Variants in PLPPR1 observed in about 807,000 individuals in gnomAD.
The protein encoded by PLPPR1 is phospholipid phosphatase-related protein type 1.
In PLPPR1, 10 loss-of-function variants were observed where a neutral mutation model predicts 33.1. That is an observed-to-expected ratio of 0.30 (90% CI 0.19 to 0.51). The LOEUF (loss-of-function observed/expected upper bound fraction) is 0.51. Among genes scored for constraint, PLPPR1 ranks in the 20% least tolerant of loss-of-function variants. PLPPR1 has a pLI of 0.97. For missense variants in PLPPR1, 304 were observed against 408.1 expected (o/e 0.74, Z 2.20); for synonymous variants, 151 against 151.0 (o/e 1.00, Z 0.00).
chr9:101,127,816 A>G (rs1376798738), intron 1 of PLPPR1, among the ~76,000 whole-genome samples: 1 of 152,164 alleles, frequency 6.6e-6, no homozygotes, highest in East Asian at 1.9e-4. Flanking sequence ...TATGTCAGAC[A>G]TGCAAGCCTT....
chr9:101,279,531 C>T (rs896859830), intron 3 of PLPPR1, among the ~76,000 whole-genome samples: 1 of 152,194 alleles, frequency 6.6e-6, no homozygotes, highest in African/African-American at 2.4e-5. Context: ...ACACATTCTC[C>T]TCCTCAGCAC....
chr9:101,303,521 G>T (rs1380445646), intron 4 of PLPPR1, among the ~76,000 whole-genome samples: 2 of 151,874 alleles, frequency 1.3e-5, no homozygotes, highest in Non-Finnish European at 2.9e-5. Context: ...GGCTGGTCTT[G>T]AACTCCTGAG....
chr9:101,199,069 C>T (rs1826447651), intron 2 of PLPPR1, among the ~76,000 whole-genome samples: 1 of 152,180 alleles, frequency 6.6e-6, no homozygotes, highest in Admixed American at 6.5e-5. Context: ...GAGATTTTCA[C>T]TATATACAAT....
rs1827318725 is a variant in PLPPR1 at position 101,237,206 on chromosome 9, T to TA, written c.64-32673dup. Among the ~76,000 whole-genome samples, 5 of 151,824 alleles carry TA rather than the reference T, an allele frequency of 3.3e-5. No homozygotes were observed. The South Asian group carries it at 8.3e-4, about 25-fold the overall frequency. On this transcript the variant is annotated intron_variant, in intron 2 of 7. Transcript: ENST00000374874. Reference sequence around the variant, plus strand: ...TAGGATGTGGAGAAAAGAGAACACTTATACACTGTTGGTGGGAATGTAAAT... The same window carrying TA: ...TAGGATGTGGAGAAAAGAGAACACTTAATACACTGTTGGTGGGAATGTAAAT...
At position 101,296,305 on chromosome 9, in the gene PLPPR1, G is replaced by A. The variant is rs1203793293; in HGVS notation, c.385+10069G>A. ...ATTAAAAAGTCAGGAAACAACAGGT[G>A]CTGGAGAGGATGTGCAGAAATAGGA... is the stretch of plus-strand genomic sequence containing the variant. On this transcript the variant is annotated intron_variant, in intron 4 of 7. Transcript: ENST00000374874. Among the ~76,000 whole-genome samples, 13 of 152,010 alleles carry A rather than the reference G, an allele frequency of 8.6e-5. No individual in the cohort carries two copies. The East Asian group carries it at 2.3e-3, about 27-fold the overall frequency.
At chr9:101,269,650 C>T (rs1473206569) in intron 2 of PLPPR1, among the ~76,000 whole-genome samples, 1 of 152,090 alleles carries the variant, frequency 6.6e-6, no homozygotes, top group Non-Finnish European at 1.5e-5. Context: ...CTGGGATCTG[C>T]CTTTCAGATG....
At chr9:101,111,898 A>G (rs1831061851) in intron 1 of PLPPR1, among the ~76,000 whole-genome samples, 1 of 152,196 alleles carries the variant, frequency 6.6e-6, no homozygotes, top group Non-Finnish European at 1.5e-5. Context: ...AAGTCTTTGT[A>G]GTAGAACTGA....
At chr9:101,314,121 A>G (rs557440306) in intron 6 of PLPPR1, among the ~76,000 whole-genome samples, 202 of 152,306 alleles carry the variant, frequency 1.3e-3, no homozygotes, top group African/African-American at 4.4e-3. Context: ...TATACTGTGC[A>G]TGAAATGAAT....
intron 1 of PLPPR1, among the ~76,000 whole-genome samples, chr9:101,138,736 A>G (rs75322697): frequency 3.8e-3 from 580 of 152,340 alleles, no homozygotes; most frequent in Non-Finnish European, 7.0e-3. Context: ...AGTGCCTGTG[A>G]AGCAGGAATT....
chr9:101,116,248 T>C (rs1031211326), intron 1 of PLPPR1, among the ~76,000 whole-genome samples: 2 of 152,222 alleles, frequency 1.3e-5, no homozygotes, highest in African/African-American at 4.8e-5. Flanking sequence ...AGTTGTTTTT[T>C]AAGTTTTTTT....
At chr9:101,066,711 G>A (rs915414386) in intron 1 of PLPPR1, among the ~76,000 whole-genome samples, 4 of 151,752 alleles carry the variant, frequency 2.6e-5, no homozygotes, top group Admixed American at 2.6e-4. Context: ...ATTTTCTTTG[G>A]GCACTTCCTT....
intron 2 of PLPPR1, among the ~76,000 whole-genome samples, chr9:101,248,512 A>G (rs1204111927): frequency 2.0e-5 from 3 of 152,182 alleles, no homozygotes; most frequent in South Asian, 2.1e-4. Flanking sequence ...AAGAGGAACA[A>G]TCATTTTCAA....
intron 1 of PLPPR1, among the ~76,000 whole-genome samples, chr9:101,032,485 A>G (rs1829957976): frequency 6.6e-6 from 1 of 152,188 alleles, no homozygotes; most frequent in Non-Finnish European, 1.5e-5. Flanking sequence ...GTGTGCTCCT[A>G]TATCACCCTC....
At chr9:101,056,555 G>A (rs1280110131) in intron 1 of PLPPR1, among the ~76,000 whole-genome samples, 1 of 152,174 alleles carries the variant, frequency 6.6e-6, no homozygotes, top group Non-Finnish European at 1.5e-5. Context: ...CCTTTGGAGT[G>A]ATTCAAATTA....
At chr9:101,152,015 C>T (rs939069112) in intron 1 of PLPPR1, among the ~76,000 whole-genome samples, 5 of 152,224 alleles carry the variant, frequency 3.3e-5, no homozygotes, top group Admixed American at 3.3e-4. Context: ...GTCCCACCAA[C>T]AGTGTAAAAG....
intron 1 of PLPPR1, among the ~76,000 whole-genome samples, chr9:101,062,988 T>C (rs1221427883): frequency 6.6e-6 from 1 of 152,054 alleles, no homozygotes; most frequent in Non-Finnish European, 1.5e-5. Flanking sequence ...TTGATAAAGA[T>C]CACATGATCT....
intron 1 of PLPPR1, among the ~76,000 whole-genome samples, chr9:101,042,202 G>T (rs1830085379): frequency 2.0e-5 from 3 of 152,112 alleles, no homozygotes; most frequent in Admixed American, 2.0e-4. Flanking sequence ...GCATTTGGAG[G>T]AGAGAACTCC....
Position 101,084,887 on chromosome 9 carries a change from C to T in PLPPR1, c.-46+55785C>T, listed in dbSNP as rs149467708. ...TCTGGCCAGAGAATGCATGTCCCAC[C>T]TAAAGGTGTTCCAATTAAGATAAAC... is the stretch of plus-strand genomic sequence containing the variant. On this transcript the variant is annotated intron_variant, in intron 1 of 7. Transcript: ENST00000374874. 2.0e-3 allele frequency among the ~76,000 whole-genome samples: 301 copies of T among 152,282 alleles called. 1 individual carries two copies. The highest frequency in any genetic ancestry group is 7.0e-3 in the African/African-American group (289 of 41,546).
intron 1 of PLPPR1, among the ~76,000 whole-genome samples, chr9:101,156,059 G>T (rs935535184): frequency 7.2e-5 from 11 of 152,254 alleles, no homozygotes; most frequent in Admixed American, 2.6e-4. Context: ...TGGGGTTATA[G>T]CAGAGAACAA....
Sources: gnomAD v4.1 joint callset for allele counts (sites outside exome capture counted in the v4.1 genomes callset) on GRCh38, gnomAD v4.1.1 for gene constraint, MANE v1.5 for transcripts, NCBI Gene and HGNC (gene_info 2026-07-23, HGNC 2026-07-21) for gene names.